Variants in FAM107B observed in about 807,000 individuals in gnomAD.
FAM107B encodes the protein protein FAM107B.
FAM107B carries 21 observed loss-of-function variants against 31.5 expected under a neutral mutation model. The ratio of observed to expected loss-of-function variants is 0.67; its 90% CI spans 0.47 to 0.96. FAM107B has a LOEUF of 0.96. Ranked by LOEUF, FAM107B falls within the 40% of genes least tolerant of loss-of-function variation. The pLI is 0.00. For missense variants in FAM107B, 452 were observed against 377.1 expected, an observed-to-expected ratio of 1.20 and a Z score of -1.64; for synonymous variants, 157 against 141.5, an observed-to-expected ratio of 1.11 and a Z score of -0.78.
chr10:14,735,615 C>A (rs756473274), intron 1 of FAM107B, among the ~76,000 whole-genome samples: 12 of 152,198 alleles, frequency 7.9e-5, no homozygotes, highest in Non-Finnish European at 1.5e-4. Flanking sequence ...AGGAAAAATT[C>A]TCCAATTGCA....
At chr10:14,591,486 T>C (rs12359630) in intron 2 of FAM107B, among the ~76,000 whole-genome samples, 2,702 of 152,318 alleles carry the variant, frequency 0.018, 47 homozygotes, top group Non-Finnish European at 0.027. Flanking sequence ...TGTATCAATG[T>C]TGTCAGTTTT....
chr10:14,527,639 A>ATT (rs1846435326), intron 3 of FAM107B, among the ~76,000 whole-genome samples: 1 of 152,262 alleles, frequency 6.6e-6, no homozygotes, highest in South Asian at 2.1e-4. Context: ...TAACCTGAAG[A>ATT]TAACACACAC....
At chr10:14,745,321 G>A (rs546227952) in intron 1 of FAM107B, among the ~76,000 whole-genome samples, 1 of 151,918 alleles carries the variant, frequency 6.6e-6, no homozygotes, top group East Asian at 1.9e-4. Context: ...TCTGGTCTTG[G>A]TTATTTCTTG....
intron 2 of FAM107B, among the ~76,000 whole-genome samples, chr10:14,566,112 C>G (rs904455438): frequency 1.3e-5 from 2 of 152,188 alleles, no homozygotes; most frequent in African/African-American, 4.8e-5. Flanking sequence ...TGTATTTTCA[C>G]TTTGCACTGG....
chr10:14,763,889 A>G (rs765534021), intron 1 of FAM107B, among the ~76,000 whole-genome samples: 12 of 152,276 alleles, frequency 7.9e-5, no homozygotes, highest in Non-Finnish European at 1.0e-4. Context: ...GGGTATACAC[A>G]TTGCTGTCCC....
intron 2 of FAM107B, among the ~76,000 whole-genome samples, chr10:14,542,404 T>C (rs1026464258): frequency 1.3e-5 from 2 of 152,046 alleles, no homozygotes; most frequent in Admixed American, 1.3e-4. Context: ...CCTGCAGGAC[T>C]CCATTAATAC....
chr10:14,521,094 G>C lies in FAM107B; in HGVS notation c.*96C>G, dbSNP rs936820586. ...TACTGCAAGTCAAAATTCTCTGCTGGCTGAAATATTCTCCAGGGGCTTTTG... is the reference window on the plus strand; with the variant it reads ...TACTGCAAGTCAAAATTCTCTGCTGCCTGAAATATTCTCCAGGGGCTTTTG... On this transcript the variant is annotated 3_prime_UTR_variant, in exon 5 of 5. Transcript: ENST00000181796. The C allele has an allele frequency of 1.1e-6, 1 of 945,812 alleles. No homozygotes were observed. Among genetic ancestry groups the C allele is most frequent in the African/African-American group, 1.7e-5 (1 of 59,418 alleles). 58.6% of individuals were successfully genotyped at this position (945,812 alleles called of 1,614,324 possible).
intron 2 of FAM107B, among the ~76,000 whole-genome samples, chr10:14,626,467 C>T (rs1204892873): frequency 6.7e-6 from 1 of 149,322 alleles, no homozygotes; most frequent in Non-Finnish European, 1.5e-5. Context: ...ACCTGACTTT[C>T]ACAGAAACAA....
intron 1 of FAM107B, among the ~76,000 whole-genome samples, chr10:14,696,491 C>T (rs1049956464): frequency 1.7e-4 from 26 of 151,932 alleles, no homozygotes; most frequent in Non-Finnish European, 2.9e-4. Flanking sequence ...AGCATCCTGG[C>T]CTCATAAGAT....
At chr10:14,693,930 T>C (rs1034319584) in intron 1 of FAM107B, among the ~76,000 whole-genome samples, 12 of 152,256 alleles carry the variant, frequency 7.9e-5, no homozygotes, top group African/African-American at 2.9e-4. Context: ...GTATTTGTTG[T>C]TGGTTTTTTT....
intron 1 of FAM107B, among the ~76,000 whole-genome samples, chr10:14,751,009 G>A (rs1296426297): frequency 6.6e-6 from 1 of 152,196 alleles, no homozygotes; most frequent in Non-Finnish European, 1.5e-5. Context: ...GCAATCAGGA[G>A]CAGACCTGCC....
chr10:14,522,620 T>C (rs1023099537), intron 3 of FAM107B, among the ~76,000 whole-genome samples: 2 of 152,026 alleles, frequency 1.3e-5, no homozygotes, highest in Non-Finnish European at 2.9e-5. Flanking sequence ...TTCACCATGT[T>C]GGTCAGGTTG....
chr10:14,744,917 TTTTG>T (rs558440397), intron 1 of FAM107B, among the ~76,000 whole-genome samples: 205 of 152,302 alleles, frequency 1.3e-3, no homozygotes, highest in African/African-American at 4.3e-3. Context: ...TGTTTTTTGT[TTTTG>T]TTTGTTTGTT....
At position 14,688,418 on chromosome 10, in the gene FAM107B, C is replaced by G. The variant is rs1350145323; in HGVS notation, c.412-20727G>C. 7.9e-5 allele frequency among the ~76,000 whole-genome samples: 12 copies of G among 152,298 alleles called. No homozygotes were observed. In the South Asian group the frequency reaches 2.1e-3, roughly 26 times the overall value. On this transcript the variant is annotated intron_variant, in intron 1 of 4. Transcript: ENST00000181796. ...TATACATCTGTCCTATTCTGTCCCTCTAGAGAACTGTGACTAATACACACA... is the reference window on the plus strand; with the variant it reads ...TATACATCTGTCCTATTCTGTCCCTGTAGAGAACTGTGACTAATACACACA...
chr10:14,657,617 C>A (rs1187828227), intron 2 of FAM107B, among the ~76,000 whole-genome samples: 4 of 152,156 alleles, frequency 2.6e-5, no homozygotes, highest in East Asian at 1.9e-4. Context: ...AACCAACCAA[C>A]TTTCTCCTAC....
chr10:14,725,694 T>G (rs367994392), intron 1 of FAM107B, among the ~76,000 whole-genome samples: 1 of 152,210 alleles, frequency 6.6e-6, no homozygotes, highest in Non-Finnish European at 1.5e-5. Flanking sequence ...AATCCGATTA[T>G]GGGGTTTCTA....
chr10:14,672,464 TCAAA>T (rs1396995467), intron 1 of FAM107B, among the ~76,000 whole-genome samples: 1 of 152,272 alleles, frequency 6.6e-6, no homozygotes, highest in African/African-American at 2.4e-5. Context: ...TTAAAATTTG[TCAAA>T]CAAATGGACT....
At chr10:14,566,757 A>G (rs1850701647) in intron 2 of FAM107B, among the ~76,000 whole-genome samples, 1 of 152,246 alleles carries the variant, frequency 6.6e-6, no homozygotes, top group Non-Finnish European at 1.5e-5. Context: ...CTGAAAGAGG[A>G]GAGTTCCAAG....
At chr10:14,551,440 C>T (rs199694400) in intron 2 of FAM107B, among the ~76,000 whole-genome samples, 12 of 152,236 alleles carry the variant, frequency 7.9e-5, no homozygotes, top group African/African-American at 1.9e-4. Context: ...CCACCTCACC[C>T]GGCCGATAAT....
Sources: allele counts gnomAD v4.1 joint callset (sites outside exome capture counted in the v4.1 genomes callset), GRCh38; gene constraint gnomAD v4.1.1; transcripts MANE v1.5; gene names NCBI Gene and HGNC (gene_info 2026-07-23, HGNC 2026-07-21).